Variants in RBFOX1 observed in about 807,000 individuals in gnomAD.
The protein encoded by RBFOX1 is RNA binding fox-1 homolog 1.
RBFOX1 carries 8 observed loss-of-function variants against 57.7 expected under a neutral mutation model. That is an observed-to-expected ratio of 0.14 (90% confidence interval 0.08 to 0.25). The LOEUF (loss-of-function observed/expected upper bound fraction) is 0.25, where lower values mean the gene tolerates loss of function less well. RBFOX1 is among the 10% of genes least tolerant of loss of function. RBFOX1 has a pLI of 1.00. For missense variants in RBFOX1, 611 were observed against 548.5 expected (o/e 1.11, Z -1.14); for synonymous variants, 326 against 222.4 (o/e 1.47, Z -4.15).
chr16:7,436,739 G>C (rs911302568), intron 4 of RBFOX1, among the ~76,000 whole-genome samples: 1 of 151,640 alleles, frequency 6.6e-6, no homozygotes, highest in African/African-American at 2.4e-5. Context: ...AAAATTATTT[G>C]GTCTCCTTGC....
In RBFOX1 at chr16:7,025,469, T is replaced by C. The variant is rs115197480; in HGVS notation, c.-15-26588T>C. Among the ~76,000 whole-genome samples, 643 of 152,274 alleles carry C rather than the reference T, an allele frequency of 4.2e-3. 5 individuals are homozygous for C. The highest frequency in any genetic ancestry group is 0.014 in the African/African-American group (588 of 41,550). Reference sequence around the variant, plus strand: ...GAATGCCTAACCTTCTGGGAATGCATCCTAGTAGGTCTCAGCCTTGTTGTA... The same window carrying C: ...GAATGCCTAACCTTCTGGGAATGCACCCTAGTAGGTCTCAGCCTTGTTGTA... On this transcript the variant is annotated intron_variant, in intron 3 of 15. Coordinates refer to ENST00000550418, the MANE Select transcript of RBFOX1 (RefSeq NM_018723.4).
intron 4 of RBFOX1, among the ~76,000 whole-genome samples, chr16:7,270,769 C>G (rs1254383161): frequency 2.0e-5 from 3 of 152,202 alleles, no homozygotes; most frequent in Non-Finnish European, 4.4e-5. Context: ...CACCTTGCAT[C>G]TGTTAGCTGG....
intron 1 of RBFOX1, among the ~76,000 whole-genome samples, chr16:6,210,021 G>T (rs1473216357): frequency 1.3e-5 from 2 of 151,900 alleles, no homozygotes; most frequent in African/African-American, 4.8e-5. Flanking sequence ...GACAAAGTTA[G>T]AAATCTTACA....
intron 3 of RBFOX1, among the ~76,000 whole-genome samples, chr16:7,029,221 C>T (rs201541047): frequency 4.5e-4 from 4 of 8,804 alleles, no homozygotes; most frequent in East Asian, 0.015. Flanking sequence ...TATATATATA[C>T]ACACATATAT....
At chr16:7,483,776 C>T (rs558053512) in intron 4 of RBFOX1, among the ~76,000 whole-genome samples, 1 of 152,268 alleles carries the variant, frequency 6.6e-6, no homozygotes, top group East Asian at 1.9e-4. Flanking sequence ...AAAAGCCAGG[C>T]CTGGGAATAA....
chr16:7,147,903 G>A (rs749472477), intron 4 of RBFOX1, among the ~76,000 whole-genome samples: 16 of 152,240 alleles, frequency 1.1e-4, no homozygotes, highest in South Asian at 2.1e-4. Flanking sequence ...GGCTGCTTTC[G>A]CCAGGGGCTG....
chr16:5,794,110 G>T (rs1019314989), intron 3 of RBFOX1, among the ~76,000 whole-genome samples: 1 of 152,168 alleles, frequency 6.6e-6, no homozygotes, highest in Non-Finnish European at 1.5e-5. Context: ...CATCTGTGGT[G>T]TTGGGCATAT....
chr16:5,761,889 A>G (rs987662823), intron 3 of RBFOX1, among the ~76,000 whole-genome samples: 1 of 152,104 alleles, frequency 6.6e-6, no homozygotes, highest in African/African-American at 2.4e-5. Flanking sequence ...TGGTCCTTAC[A>G]CAGCTTCCCC....
intron 3 of RBFOX1, among the ~76,000 whole-genome samples, chr16:6,670,745 C>G (rs546378006): frequency 1.3e-5 from 2 of 152,092 alleles, no homozygotes; most frequent in Non-Finnish European, 2.9e-5. Context: ...CGCCTGTAAT[C>G]CCAGCACTCT....
intron 3 of RBFOX1, among the ~76,000 whole-genome samples, chr16:6,933,263 A>G (rs916400399): frequency 6.6e-6 from 1 of 152,232 alleles, no homozygotes; most frequent in Non-Finnish European, 1.5e-5. Context: ...GCTGCAAGTG[A>G]AATTGATGAA....
At chr16:6,856,308 A>T (rs117290501) in intron 3 of RBFOX1, among the ~76,000 whole-genome samples, 1,786 of 152,250 alleles carry the variant, frequency 0.012, 20 homozygotes, top group Non-Finnish European at 0.019. Context: ...TAGGAGTTCT[A>T]TTCCCAATTC....
At chr16:7,460,201 A>G (rs964388462) in intron 4 of RBFOX1, among the ~76,000 whole-genome samples, 5 of 151,546 alleles carry the variant, frequency 3.3e-5, no homozygotes, top group African/African-American at 1.2e-4. Flanking sequence ...TATAGCTGCC[A>G]TTGCTCCAGA....
chr16:5,369,079 G>A (rs1220871884), intron 1 of RBFOX1, among the ~76,000 whole-genome samples: 1 of 152,156 alleles, frequency 6.6e-6, no homozygotes, highest in African/African-American at 2.4e-5. Flanking sequence ...TTGGTTCACT[G>A]CAGCTTCTGT....
At chr16:5,483,083 T>A (rs1176759454) in intron 2 of RBFOX1, among the ~76,000 whole-genome samples, 1 of 152,190 alleles carries the variant, frequency 6.6e-6, no homozygotes, top group Non-Finnish European at 1.5e-5. Context: ...CCTTTAAGTC[T>A]GTAGCCCTGA....
At chr16:6,892,587 T>A (rs2065725305) in intron 3 of RBFOX1, among the ~76,000 whole-genome samples, 1 of 152,102 alleles carries the variant, frequency 6.6e-6, no homozygotes, top group Admixed American at 6.5e-5. Flanking sequence ...GAAGGATCAC[T>A]TGAACCTGGG....
intron 2 of RBFOX1, among the ~76,000 whole-genome samples, chr16:6,498,245 C>A (rs1310974074): frequency 7.4e-6 from 1 of 134,452 alleles, no homozygotes; most frequent in Admixed American, 8.0e-5. Context: ...GAGAGGAACT[C>A]CGTCTCAAAA....
chr16:5,792,273 A>C (rs955568669), intron 3 of RBFOX1, among the ~76,000 whole-genome samples: 17 of 152,150 alleles, frequency 1.1e-4, no homozygotes, highest in African/African-American at 4.1e-4. Context: ...AGCCCTCTGT[A>C]ATCCCTTTCT....
In RBFOX1 at chr16:6,457,442, C is replaced by CG. The variant is rs1567319984; in HGVS notation, c.-64+140385_-64+140386insG. 1.5e-3 allele frequency among the ~76,000 whole-genome samples: 107 copies of CG among 70,190 alleles called. 3 individuals are homozygous for CG. Among genetic ancestry groups the CG allele is most frequent in the Middle Eastern group, 6.9e-3 (1 of 144 alleles). The allele number at this position is 70,190 out of a possible 152,430, so 46.0% of individuals were successfully genotyped here. On this transcript the variant is annotated intron_variant, in intron 2 of 15. Coordinates refer to ENST00000550418, the MANE Select transcript of RBFOX1 (RefSeq NM_018723.4). Reference sequence around the variant, plus strand: ...GTGACTGTGAATTTCCGGAAGTCCCCCCCCCCGCAATAGCTTTGATTTGAC... The same window carrying CG: ...GTGACTGTGAATTTCCGGAAGTCCCCGCCCCCCGCAATAGCTTTGATTTGAC...
At chr16:6,576,916 G>C (rs1459655399) in intron 2 of RBFOX1, 1 of 152,156 alleles carries the variant, frequency 6.6e-6, no homozygotes, top group Non-Finnish European at 1.5e-5. Flanking sequence ...CCCCAGCAAA[G>C]ATAAAGAACC....
Sources: gnomAD v4.1 joint callset for allele counts (sites outside exome capture counted in the v4.1 genomes callset) on GRCh38, gnomAD v4.1.1 for gene constraint, MANE v1.5 for transcripts, NCBI Gene and HGNC (gene_info 2026-07-23, HGNC 2026-07-21) for gene names.